CROCC2: variants seen among roughly 807,000 people sequenced by gnomAD.
CROCC2 encodes the protein ciliary rootlet coiled-coil protein 2.
CROCC2 carries 163 observed loss-of-function variants against 177.6 expected under a neutral mutation model. The observed-to-expected ratio is 0.92, with a 90% CI of 0.81 to 1.05. The LOEUF (loss-of-function observed/expected upper bound fraction) is 1.05. Among genes scored for constraint, CROCC2 ranks in the 50% least tolerant of loss-of-function variants. The pLI is 0.00. For synonymous variants in CROCC2, 904 were observed against 787.3 expected (o/e 1.15, Z -2.48); for missense variants, 1,929 against 1,797.8 (o/e 1.07, Z -1.32).
At position 240,967,445 on chromosome 2, in the gene CROCC2, C is replaced by A. The variant is rs1416058990; in HGVS notation, c.4247C>A (p.Ala1416Asp). ...AQSRVGQLQKALAEAEEGQRR... is the reference protein window; with the variant it reads ...AQSRVGQLQKDLAEAEEGQRR... ...AGCCGCGTGGGGCAGCTGCAGAAAGCCCTGGCTGAGGCGGAAGAAGGTGAC... is the reference window on the plus strand; with the variant it reads ...AGCCGCGTGGGGCAGCTGCAGAAAGACCTGGCTGAGGCGGAAGAAGGTGAC... The change falls in exon 26 of 32, where the codon GCC (alanine) becomes GAC (aspartate). Residue 1416 changes from alanine to aspartate, a missense_variant. Transcript: ENST00000690015. The A allele has an allele frequency of 1.4e-6, 2 of 1,436,882 alleles. No individual in the cohort carries two copies. Among genetic ancestry groups the A allele is most frequent in the African/African-American group, 1.4e-5 (1 of 70,756 alleles). The allele number at this position is 1,436,882 out of a possible 1,614,324, so 89.0% of individuals were successfully genotyped here.
intron 1 of CROCC2, among the ~76,000 whole-genome samples, chr2:240,914,071 C>T (rs903154200): frequency 6.6e-6 from 1 of 152,356 alleles, no homozygotes; most frequent in Middle Eastern, 3.4e-3. Context: ...AAGGGGCTGC[C>T]GCCCGGCCCG....
chr2:240,965,747 G>A lies in CROCC2; in HGVS notation c.3715G>A (p.Ala1239Thr), dbSNP rs1485953679. 2.0e-6 allele frequency: 3 copies of A among 1,536,298 alleles called. No individual in the cohort carries two copies. In the African/African-American group the frequency reaches 4.1e-5, roughly 21 times the overall value. The change falls in exon 24 of 32, where the codon GCA (alanine) becomes ACA (threonine). Residue 1239 changes from alanine to threonine, a missense_variant. By Grantham distance (58) the Ala-to-Thr change is moderately conservative. Around this residue, in one of 3 missense-constraint regions of CROCC2, gnomAD observed 144 missense variants for 205.2 expected, o/e 0.70. Coordinates refer to ENST00000690015, the MANE Select transcript of CROCC2 (RefSeq NM_001351305.2). ...ESRGAEQTLR[A>T]ELHSVTRKLQ... ...CCGGGGGGCTGAGCAGACCCTCCGAGCAGAGCTGCACAGTGTCACCAGGAA... is the reference window on the plus strand; with the variant it reads ...CCGGGGGGCTGAGCAGACCCTCCGAACAGAGCTGCACAGTGTCACCAGGAA...
chr2:240,916,566 C>T (rs909612806), intron 1 of CROCC2, among the ~76,000 whole-genome samples: 2 of 149,880 alleles, frequency 1.3e-5, no homozygotes, highest in African/African-American at 2.5e-5. Context: ...CGCCCCCCTC[C>T]GGCTCCAGCT....
In CROCC2 at chr2:240,917,433, G is replaced by T. The variant is rs2059327537; in HGVS notation, c.79-1293G>T. On this transcript the variant is annotated intron_variant, in intron 1 of 31. Transcript: ENST00000690015. The surrounding 1 kb of genome is among the most constrained non-coding windows in gnomAD (Gnocchi z 4.9). Reference sequence around the variant, plus strand: ...GAGGAGGGTGGGGGAGCAGGGCACAGCCACCAGCCCAGGCCTGAGGTCAGA... The same window carrying T: ...GAGGAGGGTGGGGGAGCAGGGCACATCCACCAGCCCAGGCCTGAGGTCAGA... Among the ~76,000 whole-genome samples the T allele has an allele frequency of 6.6e-6, 1 of 152,190 alleles. No homozygotes were observed. The highest frequency in any genetic ancestry group is 2.4e-5 in the African/African-American group (1 of 41,458).
chr2:240,949,384 C>T lies in CROCC2; in HGVS notation c.2483-149C>T, dbSNP rs2059540420. The T allele has an allele frequency of 2.7e-6, 3 of 1,099,834 alleles. No individual in the cohort carries two copies. 68.1% of individuals were successfully genotyped at this position (1,099,834 alleles called of 1,614,324 possible). On this transcript the variant is annotated intron_variant, in intron 16 of 31. Transcript: ENST00000690015. The surrounding 1 kb of genome is among the most constrained non-coding windows in gnomAD (Gnocchi z 4.5). ...CTGCAGCCCTGTACCCTTGACCCTG[C>T]TCAGCCCACCCTGCCATGTGCTGGC...
Position 240,967,457 on chromosome 2 carries a change from C to G in CROCC2, c.4259C>G (p.Ala1420Gly). The G allele has an allele frequency of 6.7e-7, 1 of 1,491,510 alleles. No homozygotes were observed. The highest frequency in any genetic ancestry group is 1.2e-5 in the South Asian group (1 of 82,838). The allele number at this position is 1,491,510 out of a possible 1,614,324, so 92.4% of individuals were successfully genotyped here. The change falls in exon 26 of 32, where the codon GCG (alanine) becomes GGG (glycine). Residue 1420 changes from alanine to glycine, a missense_variant. Ala to Gly is a moderately conservative substitution (Grantham distance 60, BLOSUM62 0). Coordinates refer to ENST00000690015, the MANE Select transcript of CROCC2 (RefSeq NM_001351305.2). ...CAGCTGCAGAAAGCCCTGGCTGAGGCGGAAGAAGGTGACCTCCCTTGCCCT... is the reference window on the plus strand; with the variant it reads ...CAGCTGCAGAAAGCCCTGGCTGAGGGGGAAGAAGGTGACCTCCCTTGCCCT... ...VGQLQKALAE[A>G]EEGQRRVEGA...
rs889159069 is a variant in CROCC2 at position 240,930,246 on chromosome 2, C to T, written c.726C>T (p.Ala242=). ...CCGTGGTGCTGGGGACAGACCTGGC[C>T]GAGCTGCGTGTAGCCACTGAGAGGT... ...RQAVVLGTDL[A]ELRVATERGL... is the part of the protein sequence containing the mutation. Residue 242 remains alanine (A), a synonymous_variant, in exon 6 of 32, where the codon GCC becomes GCT. Coordinates refer to ENST00000690015, the MANE Select transcript of CROCC2 (RefSeq NM_001351305.2). 2.1e-5 allele frequency: 12 copies of T among 576,934 alleles called. No individual in the cohort carries two copies. The highest frequency in any genetic ancestry group is 6.3e-5 in the East Asian group (2 of 31,852). The allele number at this position is 576,934 out of a possible 1,614,324, so 35.7% of individuals were successfully genotyped here. A position where few individuals can be genotyped will look rare whatever the true frequency, so the allele number is the denominator to read the frequency against.
intron 28 of CROCC2, among the ~76,000 whole-genome samples, chr2:240,985,727 T>C (rs1463119792): frequency 7.1e-5 from 3 of 42,090 alleles, no homozygotes; most frequent in Admixed American, 2.6e-4. Context: ...ACCCAGGCAC[T>C]CACTCCACAC....
chr2:240,930,461 G>A (rs2059421544), intron 6 of CROCC2, among the ~76,000 whole-genome samples, 192 bp downstream of exon 6: 1 of 152,160 alleles, frequency 6.6e-6, no homozygotes, highest in South Asian at 2.1e-4. Context: ...CAGCCTAGGA[G>A]GGCAGTAGGG....
chr2:240,927,383 C>A (rs2059401748), intron 5 of CROCC2, among the ~76,000 whole-genome samples: 1 of 152,194 alleles, frequency 6.6e-6, no homozygotes, highest in African/African-American at 2.4e-5. Context: ...TCATCCATCT[C>A]CCCTCCTCTG....
chr2:240,987,657 T>C (rs959077040), intron 28 of CROCC2, among the ~76,000 whole-genome samples: 3 of 152,242 alleles, frequency 2.0e-5, no homozygotes, highest in Admixed American at 1.3e-4. Flanking sequence ...GTGTGTGCAC[T>C]GAGCCCCAGG....
intron 14 of CROCC2, among the ~76,000 whole-genome samples, chr2:240,944,934 GTTGT>G (rs958934271): frequency 1.9e-4 from 29 of 152,158 alleles, no homozygotes; most frequent in African/African-American, 3.1e-4. Flanking sequence ...TGTTCTTGTT[GTTGT>G]TTGTTTGTTT....
chr2:240,907,750 CCTCTACCTCCTCCACCTGGCGTGAG>C (rs2059265789), intron 1 of CROCC2, among the ~76,000 whole-genome samples: 8 of 54,524 alleles, frequency 1.5e-4, no homozygotes, highest in Non-Finnish European at 2.4e-4. Context: ...CCTCGGGTGA[CCTCTACCTCCTCCACCTGGCGTGAG>C]CTCTACCTCC....
intron 15 of CROCC2, among the ~76,000 whole-genome samples, chr2:240,947,147 C>T (rs961437615): frequency 6.6e-6 from 1 of 152,270 alleles, no homozygotes; most frequent in African/African-American, 2.4e-5. Flanking sequence ...ATTCTAGAAT[C>T]TGGGAGGCAT....
At chr2:240,987,146 G>A (rs983366161) in intron 28 of CROCC2, among the ~76,000 whole-genome samples, 2 of 152,238 alleles carry the variant, frequency 1.3e-5, no homozygotes, top group Non-Finnish European at 2.9e-5. Flanking sequence ...TCCCGTGGAC[G>A]CTGCTGGGGG....
chr2:240,919,011 G>A (rs568896852), intron 2 of CROCC2, 135 bp downstream of exon 2: 11 of 608,626 alleles, frequency 1.8e-5, no homozygotes, highest in African/African-American at 8.3e-5. Flanking sequence ...AGGTGATGGC[G>A]TGGGGGACAG....
chr2:240,919,854 G>A, intron 2 of CROCC2, 129 bp from the exon 3 acceptor site: 1 of 579,568 alleles, frequency 1.7e-6, no homozygotes, highest in Non-Finnish European at 3.1e-6. Context: ...ACCCCTCCCA[G>A]GAGATGGGGG....
At position 240,988,782 on chromosome 2, in the gene CROCC2, T is replaced by C. The variant is rs1028529945; in HGVS notation, c.4595T>C (p.Leu1532Pro). The C allele has an allele frequency of 2.6e-6, 4 of 1,511,968 alleles. No individual in the cohort carries two copies. Among genetic ancestry groups the C allele is most frequent in the Non-Finnish European group, 3.6e-6 (4 of 1,124,000 alleles). 93.7% of individuals were successfully genotyped at this position (1,511,968 alleles called of 1,614,324 possible). ...AAGAGGGAGGAGGATGTGGCGAGGCTGGGGGCTGAGAAGGAGCAGCTGGAC... is the reference window on the plus strand; with the variant it reads ...AAGAGGGAGGAGGATGTGGCGAGGCCGGGGGCTGAGAAGGAGCAGCTGGAC... The part of the protein sequence containing the change: ...TLKREEDVAR[L>P]GAEKEQLDQS... Residue 1532 changes from leucine to proline, a missense_variant, in exon 29 of 32, where the codon CTG becomes CCG. Physicochemically the swap from Leu to Pro is moderately conservative, Grantham distance 98 (BLOSUM62 -3). Transcript: ENST00000690015.
intron 3 of CROCC2, 55 bp from the exon 4 acceptor site, chr2:240,922,484 C>T: frequency 1.5e-6 from 1 of 649,926 alleles, no homozygotes; most frequent in East Asian, 2.9e-5. Context: ...TGCCCCAGCC[C>T]CTGCCTGGCG....
Sources: allele counts gnomAD v4.1 joint callset (sites outside exome capture counted in the v4.1 genomes callset), GRCh38; gene constraint gnomAD v4.1.1; regional missense constraint gnomAD v4.1.1; non-coding constraint Gnocchi (gnomAD v3.1); transcripts MANE v1.5; gene names NCBI Gene and HGNC (gene_info 2026-07-23, HGNC 2026-07-21).